PATJ: variants seen among roughly 807,000 people sequenced by gnomAD.
The protein encoded by PATJ is PATJ crumbs cell polarity complex component.
Under a neutral mutation model 224.9 loss-of-function variants are expected in PATJ, and 190 were observed. That is an observed-to-expected ratio of 0.84 (90% CI 0.75 to 0.95). The LOEUF (loss-of-function observed/expected upper bound fraction) is 0.95, where lower values mean the gene tolerates loss of function less well. PATJ is among the 40% of genes least tolerant of loss of function. PATJ has a pLI of 0.00. For synonymous variants in PATJ, 769 were observed against 820.3 expected (o/e 0.94, Z 1.07); for missense variants, 2,121 against 2,270.3 (o/e 0.93, Z 1.34).
intron 31 of PATJ, among the ~76,000 whole-genome samples, chr1:62,067,277 C>T (rs1226151599): frequency 1.3e-5 from 2 of 151,842 alleles, no homozygotes; most frequent in African/African-American, 2.4e-5. Context: ...CAGGCACATG[C>T]CACCACGCCC....
Position 62,058,292 on chromosome 1 carries a change from C to T in PATJ, c.4125+7234C>T, listed in dbSNP as rs540142369. On this transcript the variant is annotated intron_variant, in intron 31 of 43. Coordinates refer to ENST00000642238, the MANE Select transcript of PATJ (RefSeq NM_001350145.3). ...ACACTGCAGCTGACCGTGCATTTTACCATTTCAGAGTCCTTGTCAGCTAGA... is the reference window on the plus strand; with the variant it reads ...ACACTGCAGCTGACCGTGCATTTTATCATTTCAGAGTCCTTGTCAGCTAGA... Among the ~76,000 whole-genome samples, 5 of 152,272 alleles carry T rather than the reference C, an allele frequency of 3.3e-5. No homozygotes were observed. In the East Asian group the frequency reaches 9.6e-4, roughly 29 times the overall value.
chr1:61,971,913 C>T lies in PATJ; in HGVS notation c.3671-18255C>T, dbSNP rs780507534. The stretch of plus-strand genomic sequence containing the variant: ...CTGAAGCAAAAGGATCACTTGAACA[C>T]GGGAGGTTGAGGCTGCAGTGAGCCA... On this transcript the variant is annotated intron_variant, in intron 27 of 43. Transcript: ENST00000642238. Among the ~76,000 whole-genome samples the T allele has an allele frequency of 2.7e-4, 41 of 150,414 alleles. 1 individual carries two copies. Among genetic ancestry groups the T allele is most frequent in the Non-Finnish European group, 5.9e-5 (4 of 68,000 alleles).
At chr1:61,926,989 G>A (rs895985737) in intron 26 of PATJ, among the ~76,000 whole-genome samples, 10 of 152,120 alleles carry the variant, frequency 6.6e-5, no homozygotes, top group South Asian at 2.1e-4. Context: ...GAGTCTCACC[G>A]TTGAGTTTGG....
chr1:61,912,757 G>C (rs896979554), intron 25 of PATJ, among the ~76,000 whole-genome samples: 2 of 151,730 alleles, frequency 1.3e-5, no homozygotes, highest in Non-Finnish European at 2.9e-5. Context: ...ATTGTGAGTG[G>C]CAGCTGACAT....
chr1:61,779,561 C>G (rs900691024), intron 7 of PATJ, among the ~76,000 whole-genome samples: 23 of 152,168 alleles, frequency 1.5e-4, no homozygotes, highest in African/African-American at 5.5e-4. Context: ...CCAAAACAGT[C>G]AGCACCACAG....
chr1:61,836,266 A>G lies in PATJ; in HGVS notation c.2112+2481A>G, dbSNP rs561252252. The stretch of plus-strand genomic sequence containing the variant: ...TTTCTTGAAATTTTATTTTTAATTT[A>G]TAGAATTATAGGATTTTCCTTTTCC... On this transcript the variant is annotated intron_variant, in intron 17 of 43. Coordinates refer to ENST00000642238, the MANE Select transcript of PATJ (RefSeq NM_001350145.3). Among the ~76,000 whole-genome samples the G allele has an allele frequency of 2.0e-5, 3 of 152,270 alleles. No homozygotes were observed. The East Asian group carries it at 5.8e-4, about 29-fold the overall frequency.
At chr1:61,840,386 C>T (rs1359285332) in intron 17 of PATJ, among the ~76,000 whole-genome samples, 1 of 151,876 alleles carries the variant, frequency 6.6e-6, no homozygotes, top group African/African-American at 2.4e-5. Flanking sequence ...GTAAATCTAC[C>T]TCTGACCATA....
At position 61,769,333 on chromosome 1, in the gene PATJ, T is replaced by G; in HGVS notation, c.435T>G (p.Leu145=). Reference sequence around the variant, plus strand: ...TAGAACGGCCTTCAACTGGAGGCCTTGGATTCAGTGTGGTGGCCCTCAGAA... The same window carrying G: ...TAGAACGGCCTTCAACTGGAGGCCTGGGATTCAGTGTGGTGGCCCTCAGAA... ...IDIERPSTGG[L]GFSVVALRSQ... The change falls in exon 5 of 44, where the codon CTT becomes CTG. Residue 145 remains leucine (L), a synonymous_variant. Coordinates refer to ENST00000642238, the MANE Select transcript of PATJ (RefSeq NM_001350145.3). The G allele has an allele frequency of 6.2e-7, 1 of 1,613,984 alleles. No homozygotes were observed. Among genetic ancestry groups the G allele is most frequent in the South Asian group, 1.1e-5 (1 of 91,074 alleles).
chr1:61,894,202 G>A lies in PATJ; in HGVS notation c.3132-5381G>A, dbSNP rs372099347. Among the ~76,000 whole-genome samples, 6 of 150,758 alleles carry A rather than the reference G, an allele frequency of 4.0e-5. No individual in the cohort carries two copies. In the East Asian group the frequency reaches 5.9e-4, roughly 15 times the overall value. On this transcript the variant is annotated intron_variant, in intron 22 of 43. Transcript: ENST00000642238. Reference sequence around the variant, plus strand: ...CTGGGAGGTGGAGGTTGCAGTGAGCGAAGATTGTGCCATTGCACTCCAGCC... The same window carrying A: ...CTGGGAGGTGGAGGTTGCAGTGAGCAAAGATTGTGCCATTGCACTCCAGCC...
At chr1:61,810,750 A>C (rs927814451) in intron 14 of PATJ, among the ~76,000 whole-genome samples, 1 of 151,406 alleles carries the variant, frequency 6.6e-6, no homozygotes, top group Non-Finnish European at 1.5e-5. Context: ...AAATAAACCC[A>C]GTCTGTACTA....
At chr1:62,066,899 G>A (rs1656544818) in intron 31 of PATJ, among the ~76,000 whole-genome samples, 1 of 151,916 alleles carries the variant, frequency 6.6e-6, no homozygotes, top group South Asian at 2.1e-4. Context: ...CTCTGGGTGG[G>A]GCCACAGGAT....
chr1:61,876,869 T>C (rs553681620), intron 21 of PATJ, among the ~76,000 whole-genome samples: 1 of 152,322 alleles, frequency 6.6e-6, no homozygotes, highest in African/African-American at 2.4e-5. Flanking sequence ...CAAAATTGTG[T>C]ATCTTTGAAA....
chr1:62,002,612 G>A (rs1476253432), intron 28 of PATJ, among the ~76,000 whole-genome samples: 1 of 151,742 alleles, frequency 6.6e-6, no homozygotes, highest in Admixed American at 6.6e-5. Flanking sequence ...GGGAGGCTGA[G>A]GCAGGAGAAT....
At chr1:61,747,049 A>G (rs536387830) in intron 1 of PATJ, among the ~76,000 whole-genome samples, 49 of 152,342 alleles carry the variant, frequency 3.2e-4, no homozygotes, top group African/African-American at 1.1e-3. Context: ...GTTAAAGTTT[A>G]ACAAGAATAT....
chr1:62,161,065 T>A lies in PATJ; in HGVS notation c.*11T>A. 6.8e-7 allele frequency: 1 copy of A among 1,465,984 alleles called. No homozygotes were observed. 90.8% of individuals were successfully genotyped at this position (1,465,984 alleles called of 1,614,324 possible). Reference sequence around the variant, plus strand: ...ACTGTGCTGTCATGAGCCTCGGGCCTGATCACAAGATAGATGTTGTTGTTT... The same window carrying A: ...ACTGTGCTGTCATGAGCCTCGGGCCAGATCACAAGATAGATGTTGTTGTTT... On this transcript the variant is annotated 3_prime_UTR_variant, in exon 44 of 44. Coordinates refer to ENST00000642238, the MANE Select transcript of PATJ (RefSeq NM_001350145.3).
intron 6 of PATJ, among the ~76,000 whole-genome samples, 180 bp from the exon 7 acceptor site, chr1:61,775,026 C>A (rs760725131): frequency 2.0e-5 from 3 of 152,194 alleles, no homozygotes; most frequent in African/African-American, 7.2e-5. Context: ...AAGATCCCTA[C>A]GGTCAGGGAC....
intron 28 of PATJ, among the ~76,000 whole-genome samples, chr1:61,994,702 A>G (rs1287040997): frequency 1.3e-5 from 2 of 151,992 alleles, no homozygotes; most frequent in Non-Finnish European, 2.9e-5. Flanking sequence ...TTACAGGTGC[A>G]TGCCACCACG....
chr1:62,120,757 T>C (rs1223629248), intron 37 of PATJ: 2 of 156,550 alleles, frequency 1.3e-5, no homozygotes, highest in African/African-American at 4.8e-5. Context: ...GGTCTTATTA[T>C]ACTTGTTTTA....
chr1:62,070,801 C>A (rs896848855), intron 31 of PATJ, among the ~76,000 whole-genome samples: 1 of 152,150 alleles, frequency 6.6e-6, no homozygotes, highest in Non-Finnish European at 1.5e-5. Context: ...AGAAAGTAGG[C>A]AGCTAAGTGT....
Sources: allele counts gnomAD v4.1 joint callset (sites outside exome capture counted in the v4.1 genomes callset), GRCh38; gene constraint gnomAD v4.1.1; transcripts MANE v1.5; gene names NCBI Gene and HGNC (gene_info 2026-07-23, HGNC 2026-07-21).